The following DTD1 variants were observed in gnomAD, a reference collection of about 807,000 sequenced individuals.
The protein encoded by DTD1 is D-tyrosyl-tRNA deacylase 1 homolog.
In DTD1, 13 loss-of-function variants were observed where a neutral mutation model predicts 25.6. The observed-to-expected ratio is 0.51, with a 90% CI of 0.33 to 0.81. The LOEUF is 0.81. DTD1 is among the 30% of genes least tolerant of loss of function. DTD1 has a pLI of 0.02. For missense variants in DTD1, 193 were observed against 266.4 expected (o/e 0.72, Z 1.92); for synonymous variants, 110 against 103.6 (o/e 1.06, Z -0.37).
chr20:18,651,155 T>C lies in DTD1; in HGVS notation c.477+22922T>C, dbSNP rs2060872615. 2.0e-5 allele frequency among the ~76,000 whole-genome samples: 3 copies of C among 152,290 alleles called. No homozygotes were observed. The South Asian group carries it at 6.2e-4, about 32-fold the overall frequency. On this transcript the variant is annotated intron_variant, in intron 4 of 5. Transcript: ENST00000377452. Reference sequence around the variant, plus strand: ...GCTGGTTAGTTTTTGTTTGTTTGTTTGGTTTGTTTGTTTTTAGATGGAGTC... The same window carrying C: ...GCTGGTTAGTTTTTGTTTGTTTGTTCGGTTTGTTTGTTTTTAGATGGAGTC...
intron 4 of DTD1, among the ~76,000 whole-genome samples, chr20:18,734,325 C>T (rs554608177): frequency 6.6e-6 from 1 of 152,328 alleles, no homozygotes; most frequent in South Asian, 2.1e-4. Context: ...AGAGATGTCC[C>T]ACTTCTGAAG....
At chr20:18,759,491 G>T (rs6035117) in intron 5 of DTD1, among the ~76,000 whole-genome samples, 89,549 of 151,942 alleles carry the variant, frequency 0.59, 26,901 homozygotes, top group Non-Finnish European at 0.63. Flanking sequence ...CCTTCACTTA[G>T]GAAGCTTAGT....
chr20:18,694,486 A>G (rs1220431885), intron 4 of DTD1, among the ~76,000 whole-genome samples: 1 of 152,102 alleles, frequency 6.6e-6, no homozygotes, highest in African/African-American at 2.4e-5. Flanking sequence ...CTCCAAAGAA[A>G]ACCTTCTGCT....
intron 3 of DTD1, among the ~76,000 whole-genome samples, chr20:18,612,845 A>T (rs553544611): frequency 1.3e-5 from 2 of 152,072 alleles, no homozygotes; most frequent in East Asian, 3.9e-4. Context: ...TTTTAGTAGA[A>T]GCAGGGTTTC....
Position 18,717,597 on chromosome 20 carries a change from A to T in DTD1, c.478-26503A>T, listed in dbSNP as rs191126121. On this transcript the variant is annotated intron_variant, in intron 4 of 5. Coordinates refer to ENST00000377452, the MANE Select transcript of DTD1 (RefSeq NM_080820.6). ...AATTTTCAAATTGTCTCATATCTTCAAAACATTTTCCAGCATATTTATTGA... is the reference window on the plus strand; with the variant it reads ...AATTTTCAAATTGTCTCATATCTTCTAAACATTTTCCAGCATATTTATTGA... 6.6e-4 allele frequency among the ~76,000 whole-genome samples: 100 copies of T among 152,320 alleles called. 1 individual carries two copies. The East Asian group carries it at 0.017, about 26-fold the overall frequency.
chr20:18,745,438 G>A (rs2061296064), intron 5 of DTD1, among the ~76,000 whole-genome samples: 1 of 152,210 alleles, frequency 6.6e-6, no homozygotes, highest in Non-Finnish European at 1.5e-5. Context: ...ACAGGCTCAG[G>A]GAGAAGCATA....
rs1244091144 is a variant in DTD1, at chr20:18,588,133, G to C, written c.43+18G>C. The C allele has an allele frequency of 7.9e-7, 1 of 1,260,888 alleles. No individual in the cohort carries two copies. The highest frequency in any genetic ancestry group is 1.6e-5 in the African/African-American group (1 of 64,140). 78.1% of individuals were successfully genotyped at this position (1,260,888 alleles called of 1,614,324 possible). ...CGTCACAGGTCAGTCGGGCGGGGCC[G>C]GGCCCGGGAGGAGCCGCCCCTGACC... On this transcript the variant is annotated intron_variant, in intron 1 of 5. Coordinates refer to ENST00000377452, the MANE Select transcript of DTD1 (RefSeq NM_080820.6).
chr20:18,762,932 A>T (rs1437323367), intron 5 of DTD1, among the ~76,000 whole-genome samples: 1 of 152,114 alleles, frequency 6.6e-6, no homozygotes, highest in African/African-American at 2.4e-5. Flanking sequence ...TATTGATTTG[A>T]TAACCTTTTT....
At chr20:18,709,003 C>G (rs972203690) in intron 4 of DTD1, among the ~76,000 whole-genome samples, 3 of 152,316 alleles carry the variant, frequency 2.0e-5, no homozygotes, top group African/African-American at 7.2e-5. Flanking sequence ...TGCTGCGTCC[C>G]TTCTTTGTAG....
chr20:18,724,281 G>T (rs775913304), intron 4 of DTD1, among the ~76,000 whole-genome samples: 1 of 152,182 alleles, frequency 6.6e-6, no homozygotes, highest in African/African-American at 2.4e-5. Flanking sequence ...GTGGGGCAGC[G>T]TGGGCAGGTA....
intron 4 of DTD1, among the ~76,000 whole-genome samples, chr20:18,736,672 G>GT (rs1028631990): frequency 6.6e-6 from 1 of 152,098 alleles, no homozygotes. Flanking sequence ...AAGAGCCTCT[G>GT]TTTTTTTCTT....
chr20:18,704,683 C>T (rs2061119097), intron 4 of DTD1, among the ~76,000 whole-genome samples: 2 of 152,240 alleles, frequency 1.3e-5, no homozygotes, highest in African/African-American at 4.8e-5. Flanking sequence ...GACATGCTAC[C>T]TACCAGCTTC....
At chr20:18,669,159 A>G (rs201645023) in intron 4 of DTD1, among the ~76,000 whole-genome samples, 7 of 69,840 alleles carry the variant, frequency 1.0e-4, no homozygotes, top group African/African-American at 3.1e-4. Flanking sequence ...CATGGGGACC[A>G]GGGGGTAGTG....
At chr20:18,636,070 G>A (rs2060806366) in intron 4 of DTD1, among the ~76,000 whole-genome samples, 1 of 152,126 alleles carries the variant, frequency 6.6e-6, no homozygotes, top group African/African-American at 2.4e-5. Flanking sequence ...TAAGGTTTAA[G>A]GGCTTTATTT....
chr20:18,657,638 C>G (rs1183462002), intron 4 of DTD1, among the ~76,000 whole-genome samples: 1 of 152,214 alleles, frequency 6.6e-6, no homozygotes, highest in African/African-American at 2.4e-5. Context: ...TGCTTGGAAT[C>G]TTAGAAAGAA....
chr20:18,622,190 C>T (rs1338465762), intron 3 of DTD1, among the ~76,000 whole-genome samples: 1 of 152,128 alleles, frequency 6.6e-6, no homozygotes, highest in Non-Finnish European at 1.5e-5. Context: ...AGGCTTTAAG[C>T]CCTGCATGCA....
At chr20:18,755,997 T>G (rs1473397151) in intron 5 of DTD1, among the ~76,000 whole-genome samples, 1 of 152,152 alleles carries the variant, frequency 6.6e-6, no homozygotes, top group African/African-American at 2.4e-5. Context: ...ATTGTGGTTT[T>G]GATTTGCATT....
chr20:18,737,222 T>C (rs150590777), intron 4 of DTD1, among the ~76,000 whole-genome samples: 1 of 152,340 alleles, frequency 6.6e-6, no homozygotes, highest in African/African-American at 2.4e-5. Context: ...TGTTGCTTTC[T>C]GCTCAGACAC....
intron 5 of DTD1, among the ~76,000 whole-genome samples, chr20:18,751,064 C>CATGTGT (rs1555804484): frequency 6.7e-6 from 1 of 150,290 alleles, no homozygotes; most frequent in Admixed American, 6.6e-5. Context: ...CTACAGCAGC[C>CATGTGT]GTGTGTGTGT....
Sources: gnomAD v4.1 joint callset for allele counts (sites outside exome capture counted in the v4.1 genomes callset) on GRCh38, gnomAD v4.1.1 for gene constraint, MANE v1.5 for transcripts, NCBI Gene and HGNC (gene_info 2026-07-23, HGNC 2026-07-21) for gene names.